The following MAN1A1 variants were observed in gnomAD, a reference collection of about 807,000 sequenced individuals.
The protein encoded by MAN1A1 is mannosyl-oligosaccharide 1,2-alpha-mannosidase IA.
In MAN1A1, 29 loss-of-function variants were observed where a neutral mutation model predicts 70.8. The observed-to-expected ratio is 0.41, with a 90% CI of 0.31 to 0.56. The LOEUF is 0.56. Ranked by LOEUF, MAN1A1 falls within the 20% of genes least tolerant of loss-of-function variation. The probability of loss-of-function intolerance (pLI) is 0.29; values close to 1 mark genes in which losing one functional copy is unlikely to be tolerated. For missense variants in MAN1A1, 747 were observed against 841.3 expected, an observed-to-expected ratio of 0.89 and a Z score of 1.39; for synonymous variants, 349 against 330.1, an observed-to-expected ratio of 1.06 and a Z score of -0.62.
In MAN1A1 at chr6:119,188,583, G is replaced by A. The variant is rs777036489; in HGVS notation, c.1547-6C>T. On this transcript the variant is annotated splice_polypyrimidine_tract_variant and splice_region_variant and intron_variant, in intron 10 of 12. Transcript: ENST00000368468. ...TTCTGGTCCCAGTTTCATAACTAAA[G>A]GACATGGAATGAATGAATAAGGGTT... The A allele has an allele frequency of 1.2e-6, 2 of 1,610,332 alleles. No homozygotes were observed. The highest frequency in any genetic ancestry group is 1.7e-6 in the Non-Finnish European group (2 of 1,178,660).
At chr6:119,241,822 T>C (rs969958345) in intron 6 of MAN1A1, among the ~76,000 whole-genome samples, 1 of 152,096 alleles carries the variant, frequency 6.6e-6, no homozygotes, top group Non-Finnish European at 1.5e-5. Context: ...TGGGAGGTTT[T>C]TAAAAAATGC....
At chr6:119,217,312 T>G in intron 6 of MAN1A1, among the ~76,000 whole-genome samples, 1 of 150,354 alleles carries the variant, frequency 6.7e-6, no homozygotes, top group African/African-American at 2.5e-5. Flanking sequence ...AAATGGAGTA[T>G]TGCTCTGTCG....
At chr6:119,212,078 G>C (rs558278818) in intron 6 of MAN1A1, among the ~76,000 whole-genome samples, 1 of 151,364 alleles carries the variant, frequency 6.6e-6, no homozygotes, top group Non-Finnish European at 1.5e-5. Context: ...CCAACCTCAT[G>C]ATCTGCTCGC....
chr6:119,203,671 G>A (rs1394034108), intron 7 of MAN1A1, among the ~76,000 whole-genome samples: 1 of 152,044 alleles, frequency 6.6e-6, no homozygotes, highest in Non-Finnish European at 1.5e-5. Flanking sequence ...TGGGCCTGGG[G>A]TTTACCAAGA....
chr6:119,216,724 T>C (rs1774215391), intron 6 of MAN1A1, among the ~76,000 whole-genome samples: 1 of 152,132 alleles, frequency 6.6e-6, no homozygotes, highest in East Asian at 1.9e-4. Flanking sequence ...AGTATAACAA[T>C]AACATACATA....
In MAN1A1 at chr6:119,348,639, G is replaced by A; in HGVS notation, c.427C>T (p.Pro143Ser). ...AGGATGTCTCTTTGGATCTCCTCGG[G>A]CAGCTTCTGCAGGGTCTCCTTGGCT... ...REAKETLQKL[P>S]EEIQRDILLE... The change falls in exon 2 of 13, where the codon CCC (proline) becomes TCC (serine). Residue 143 changes from proline (P) to serine (S), a missense_variant. Pro to Ser is a moderately conservative substitution (Grantham distance 74). Around this residue, in one of 2 missense-constraint regions of MAN1A1, gnomAD observed 328 missense variants for 293.1 expected, o/e 1.12. Transcript: ENST00000368468. 3.7e-6 allele frequency: 6 copies of A among 1,613,858 alleles called. No individual in the cohort carries two copies. Among genetic ancestry groups the A allele is most frequent in the Non-Finnish European group, 5.1e-6 (6 of 1,179,900 alleles).
intron 2 of MAN1A1, among the ~76,000 whole-genome samples, chr6:119,325,615 C>T (rs1422391807): frequency 1.3e-5 from 2 of 152,118 alleles, no homozygotes; most frequent in East Asian, 3.9e-4. Flanking sequence ...TGAGATTGCA[C>T]CACTGCACCC....
At chr6:119,322,164 C>T (rs1057480089) in intron 2 of MAN1A1, among the ~76,000 whole-genome samples, 2 of 152,186 alleles carry the variant, frequency 1.3e-5, no homozygotes, top group African/African-American at 4.8e-5. Context: ...ATTCCTTCCA[C>T]AATCATCTTG....
At chr6:119,289,101 T>C (rs564934622) in intron 5 of MAN1A1, among the ~76,000 whole-genome samples, 4 of 151,884 alleles carry the variant, frequency 2.6e-5, no homozygotes, top group East Asian at 3.9e-4. Context: ...TATACACATA[T>C]ATAGAAACAC....
At chr6:119,262,807 C>T (rs1775645584) in intron 5 of MAN1A1, among the ~76,000 whole-genome samples, 1 of 152,042 alleles carries the variant, frequency 6.6e-6, no homozygotes, top group African/African-American at 2.4e-5. Context: ...AAAATGAGAC[C>T]ATGTCTGTGA....
chr6:119,328,736 G>A (rs951827979), intron 2 of MAN1A1, among the ~76,000 whole-genome samples: 1 of 152,268 alleles, frequency 6.6e-6, no homozygotes, highest in Non-Finnish European at 1.5e-5. Flanking sequence ...CACCATTTAC[G>A]TGTTTAGACT....
At chr6:119,321,255 CAAT>C (rs1772996060) in intron 2 of MAN1A1, among the ~76,000 whole-genome samples, 1 of 152,286 alleles carries the variant, frequency 6.6e-6, no homozygotes, top group South Asian at 2.1e-4. Context: ...AATGTTTGAA[CAAT>C]ATTAGAATTC....
At position 119,348,977 on chromosome 6, in the gene MAN1A1, C is replaced by A; in HGVS notation, c.89G>T (p.Gly30Val). The A allele has an allele frequency of 6.7e-7, 1 of 1,484,152 alleles. No individual in the cohort carries two copies. Among genetic ancestry groups the A allele is most frequent in the Non-Finnish European group, 8.9e-7 (1 of 1,117,466 alleles). 91.9% of individuals were successfully genotyped at this position (1,484,152 alleles called of 1,614,324 possible). A position where few individuals can be genotyped will look rare whatever the true frequency, so the allele number is the denominator to read the frequency against. The change falls in exon 2 of 13, where the codon GGG becomes GTG. Residue 30 changes from glycine to valine, a missense_variant. Gly to Val is a moderately radical substitution (Grantham distance 109). Coordinates refer to ENST00000368468, the MANE Select transcript of MAN1A1 (RefSeq NM_005907.4). Reference sequence around the variant, plus strand: ...CAGGCGGAGGGCGGCGGGGCCCGACCCCTTCCTGCCACCGCCGCCGCCGAG... The same window carrying A: ...CAGGCGGAGGGCGGCGGGGCCCGACACCTTCCTGCCACCGCCGCCGCCGAG... ...GGLGGGGGRK[G>V]SGPAALRLTE... is the part of the protein sequence containing the mutation.
At chr6:119,226,182 A>T (rs1471346582) in intron 6 of MAN1A1, among the ~76,000 whole-genome samples, 1 of 152,232 alleles carries the variant, frequency 6.6e-6, no homozygotes, top group African/African-American at 2.4e-5. Context: ...ACATGTCTAA[A>T]GAGGACTCAA....
chr6:119,338,339 A>T (rs1160251742), intron 2 of MAN1A1, among the ~76,000 whole-genome samples: 1 of 152,110 alleles, frequency 6.6e-6, no homozygotes. Context: ...GGGTGGAAAA[A>T]AAAAAGCCCA....
intron 2 of MAN1A1, among the ~76,000 whole-genome samples, chr6:119,316,895 T>C (rs1042603162): frequency 2.6e-5 from 4 of 151,856 alleles, no homozygotes; most frequent in Admixed American, 6.6e-5. Flanking sequence ...TTCATTAAAA[T>C]GAGCAAAGTC....
intron 8 of MAN1A1, among the ~76,000 whole-genome samples, chr6:119,198,044 C>T (rs368419554): frequency 6.6e-6 from 1 of 152,210 alleles, no homozygotes; most frequent in South Asian, 2.1e-4. Context: ...GAGGAATACT[C>T]CAAAAATGCT....
At chr6:119,333,883 T>C (rs1056983148) in intron 2 of MAN1A1, among the ~76,000 whole-genome samples, 2 of 152,138 alleles carry the variant, frequency 1.3e-5, no homozygotes, top group African/African-American at 4.8e-5. Flanking sequence ...ATTCTTCAGA[T>C]CACAGGTGGG....
At chr6:119,198,498 C>A (rs1773633169) in intron 8 of MAN1A1, among the ~76,000 whole-genome samples, 1 of 152,036 alleles carries the variant, frequency 6.6e-6, no homozygotes, top group Non-Finnish European at 1.5e-5. Flanking sequence ...GAAATGGACA[C>A]CCCAAATAAT....
Sources: allele counts gnomAD v4.1 joint callset (sites outside exome capture counted in the v4.1 genomes callset), GRCh38; gene constraint gnomAD v4.1.1; regional missense constraint gnomAD v4.1.1; transcripts MANE v1.5; gene names NCBI Gene and HGNC (gene_info 2026-07-23, HGNC 2026-07-21).